GPHN: variants seen among roughly 807,000 people sequenced by gnomAD.
GPHN encodes the protein gephyrin.
A neutral mutation model predicts 95.5 loss-of-function variants in GPHN; 17 were observed. The observed-to-expected ratio is 0.18, with a 90% CI of 0.12 to 0.27. The LOEUF is 0.27. GPHN is among the 10% of genes least tolerant of loss of function. GPHN has a pLI of 1.00. For missense variants in GPHN, 660 were observed against 978.1 expected, an observed-to-expected ratio of 0.67 and a Z score of 4.34; for synonymous variants, 320 against 322.5, an observed-to-expected ratio of 0.99 and a Z score of 0.08.
chr14:66,730,222 C>G (rs1250574835), intron 2 of GPHN, among the ~76,000 whole-genome samples: 5 of 152,164 alleles, frequency 3.3e-5, no homozygotes, highest in Admixed American at 3.3e-4. Flanking sequence ...AACGTGGTTT[C>G]CGTGGACTCA....
intron 2 of GPHN, among the ~76,000 whole-genome samples, chr14:66,734,789 G>A (rs1045417439): frequency 2.6e-5 from 4 of 152,078 alleles, no homozygotes; most frequent in East Asian, 1.9e-4. Flanking sequence ...ACCATAATCC[G>A]TATTCACTCA....
chr14:66,560,833 A>G (rs1043354416), intron 1 of GPHN, among the ~76,000 whole-genome samples: 6 of 152,158 alleles, frequency 3.9e-5, no homozygotes, highest in African/African-American at 2.4e-5. Context: ...TTTCAAAGGG[A>G]ATGCTTCCAG....
chr14:67,288,141 G>A, the GPHN span, among the ~76,000 whole-genome samples: 1 of 152,042 alleles, frequency 6.6e-6, no homozygotes, highest in Non-Finnish European at 1.5e-5. Flanking sequence ...GTGCAGTGGT[G>A]CGATCTCCGC....
intron 1 of GPHN, among the ~76,000 whole-genome samples, chr14:66,624,048 C>T (rs1203590387): frequency 6.6e-6 from 1 of 152,192 alleles, no homozygotes; most frequent in African/African-American, 2.4e-5. Flanking sequence ...TCCTTATCGT[C>T]CTTTTCCACT....
the GPHN span, chr14:67,726,932 C>A: frequency 6.4e-7 from 1 of 1,555,152 alleles, no homozygotes; most frequent in Non-Finnish European, 8.8e-7. Flanking sequence ...ACATGCTGAG[C>A]CTGGGCTGTC....
the GPHN span, among the ~76,000 whole-genome samples, chr14:67,323,261 G>GTA: frequency 4.5e-3 from 558 of 124,182 alleles, 18 homozygotes; most frequent in East Asian, 0.059. Context: ...GTGTGTGTGT[G>GTA]TATATATATA....
the GPHN span, among the ~76,000 whole-genome samples, chr14:67,252,012 G>T: frequency 6.6e-6 from 1 of 152,090 alleles, no homozygotes; most frequent in East Asian, 1.9e-4. Flanking sequence ...TCAAGGTGCT[G>T]GGAGGCTGGT....
At chr14:67,601,657 C>T in the GPHN span, among the ~76,000 whole-genome samples, 1 of 152,026 alleles carries the variant, frequency 6.6e-6, no homozygotes, top group Non-Finnish European at 1.5e-5. Context: ...AATCTCAGCA[C>T]TTTGGGAGGC....
intron 1 of GPHN, among the ~76,000 whole-genome samples, chr14:66,586,156 T>G (rs2061410498): frequency 6.6e-6 from 1 of 152,168 alleles, no homozygotes; most frequent in Non-Finnish European, 1.5e-5. Context: ...GCCTTCTTTG[T>G]CTCTTTTGCT....
At chr14:67,729,612 T>C in the GPHN span, 2 of 629,412 alleles carry the variant, frequency 3.2e-6, no homozygotes, top group South Asian at 3.6e-5. Flanking sequence ...CGCTTTTCCA[T>C]GAAAACTTTG....
chr14:66,757,327 G>GAT (rs748164667), intron 2 of GPHN, among the ~76,000 whole-genome samples: 1,759 of 142,390 alleles, frequency 0.012, 25 homozygotes, highest in African/African-American at 0.043. Flanking sequence ...ATTAAAAAGG[G>GAT]ATATATATAT....
the GPHN span, chr14:67,359,815 C>T: frequency 6.6e-6 from 8 of 1,211,254 alleles, no homozygotes; most frequent in African/African-American, 6.0e-5. Context: ...GTCACTTGAC[C>T]CCTCTTGTTG....
chr14:66,661,476 A>G (rs576543944), intron 1 of GPHN, among the ~76,000 whole-genome samples: 1 of 151,216 alleles, frequency 6.6e-6, no homozygotes, highest in East Asian at 2.0e-4. Context: ...CAACTGACAG[A>G]GTTTTGATTT....
the GPHN span, chr14:67,386,342 G>T: frequency 6.6e-6 from 1 of 152,400 alleles, no homozygotes; most frequent in Non-Finnish European, 1.5e-5. Context: ...CTATTAAAGA[G>T]AACAAATTTT....
chr14:67,473,810 G>A, the GPHN span: 14 of 1,613,864 alleles, frequency 8.7e-6, 1 homozygote, highest in South Asian at 1.5e-4. This position sits in a 1 kb window ranked among gnomAD's most constrained non-coding sequence, Gnocchi z 6.5. Flanking sequence ...GGAACTTCCA[G>A]TTCAAGTTCA....
the GPHN span, among the ~76,000 whole-genome samples, chr14:67,565,266 C>T: frequency 2.6e-5 from 4 of 151,668 alleles, no homozygotes; most frequent in Non-Finnish European, 1.5e-5. Context: ...ACTTGAGAGA[C>T]GGTGTCTTGC....
intron 2 of GPHN, among the ~76,000 whole-genome samples, chr14:66,756,994 A>T (rs2058580480): frequency 6.6e-6 from 1 of 152,190 alleles, no homozygotes; most frequent in Non-Finnish European, 1.5e-5. Flanking sequence ...TATGCCACAG[A>T]TACTTGAGTT....
intron 1 of GPHN, among the ~76,000 whole-genome samples, chr14:66,556,766 C>A (rs1020022373): frequency 6.6e-6 from 1 of 151,904 alleles, no homozygotes; most frequent in African/African-American, 2.4e-5. Flanking sequence ...TACAGAAGTA[C>A]TTTATATTGA....
chr14:67,188,654 A>G, the GPHN span, among the ~76,000 whole-genome samples: 69 of 152,324 alleles, frequency 4.5e-4, no homozygotes, highest in African/African-American at 1.6e-3. Context: ...ATCTGAGACA[A>G]TAACAGGGGA....
Sources: gnomAD v4.1 joint callset for allele counts (sites outside exome capture counted in the v4.1 genomes callset) on GRCh38, gnomAD v4.1.1 for gene constraint, Gnocchi (gnomAD v3.1) non-coding constraint, MANE v1.5 for transcripts, NCBI Gene and HGNC (gene_info 2026-07-23, HGNC 2026-07-21) for gene names.